CEP85: variants seen among roughly 807,000 people sequenced by gnomAD.
CEP85 encodes centrosomal protein 85.
CEP85 carries 58 observed loss-of-function variants against 93.7 expected under a neutral mutation model. The observed-to-expected ratio is 0.62, with a 90% confidence interval of 0.50 to 0.77. The LOEUF is 0.77. CEP85 is among the 30% of genes least tolerant of loss of function. The pLI is 0.00. For synonymous variants in CEP85, 314 were observed against 338.6 expected (o/e 0.93, Z 0.80); for missense variants, 868 against 922.0 (o/e 0.94, Z 0.76).
chr1:26,261,689 G>A (rs1222426437), intron 7 of CEP85, among the ~76,000 whole-genome samples: 1 of 149,044 alleles, frequency 6.7e-6, no homozygotes, highest in Non-Finnish European at 1.5e-5. Context: ...GAGCTCAGGA[G>A]TTTAAGACAA....
rs150592270 is a variant in CEP85 at position 26,240,126 on chromosome 1, A to G, written c.55+288A>G. ...GTTCCATTTGAAATCAGAAAAACACAGCATAAATTACTGTGTTCTATGTTG... is the reference window on the plus strand; with the variant it reads ...GTTCCATTTGAAATCAGAAAAACACGGCATAAATTACTGTGTTCTATGTTG... On this transcript the variant is annotated intron_variant, in intron 2 of 13. Transcript: ENST00000451429. 1.1e-4 allele frequency among the ~76,000 whole-genome samples: 17 copies of G among 152,318 alleles called. No individual in the cohort carries two copies. In the East Asian group the frequency reaches 2.9e-3, roughly 26 times the overall value.
chr1:26,264,658 G>A (rs1281642678), intron 7 of CEP85, among the ~76,000 whole-genome samples: 1 of 152,196 alleles, frequency 6.6e-6, no homozygotes, highest in African/African-American at 2.4e-5. Flanking sequence ...ATGCTCAAAT[G>A]TCAATCTCTG....
At chr1:26,256,921 T>TTGGTGTGTGTGTG (rs1346791691) in intron 4 of CEP85, among the ~76,000 whole-genome samples, 3 of 19,136 alleles carry the variant, frequency 1.6e-4, no homozygotes, top group Non-Finnish European at 4.3e-4. Flanking sequence ...TTGTTTTGTT[T>TTGGTGTGTGTGTG]TGTTTTGGTG....
chr1:26,275,787 C>T (rs2090045440), intron 12 of CEP85, among the ~76,000 whole-genome samples: 1 of 152,080 alleles, frequency 6.6e-6, no homozygotes, highest in African/African-American at 2.4e-5. Flanking sequence ...GTCACATGGC[C>T]CAGTGTGGGT....
chr1:26,275,367 G>A (rs1016595378), intron 12 of CEP85, among the ~76,000 whole-genome samples: 3 of 149,690 alleles, frequency 2.0e-5, no homozygotes, highest in Non-Finnish European at 3.0e-5. Context: ...TGCAACCTCC[G>A]CCTCCCAGGT....
chr1:26,244,620 A>C (rs1161503479), intron 3 of CEP85, among the ~76,000 whole-genome samples: 2 of 151,952 alleles, frequency 1.3e-5, no homozygotes, highest in Non-Finnish European at 2.9e-5. Context: ...TCCCATGCTG[A>C]GGTAATCCTC....
chr1:26,273,417 G>C lies in CEP85; in HGVS notation c.1794+1346G>C, dbSNP rs1014484526. Among the ~76,000 whole-genome samples, 8 of 152,282 alleles carry C rather than the reference G, an allele frequency of 5.3e-5. No homozygotes were observed. The South Asian group carries it at 6.2e-4, about 12-fold the overall frequency. On this transcript the variant is annotated intron_variant, in intron 11 of 13. Coordinates refer to ENST00000451429, the MANE Select transcript of CEP85 (RefSeq NM_001319944.2). ...ATCTGGTTCACCTCTTTCAAGTCCT[G>C]TAAGGAGGTAGTCAAGCCTGGCAAG... is the stretch of plus-strand genomic sequence containing the variant.
chr1:26,235,567 C>CTTTTTTTTTTTTTTTTTTTTTTT (rs1192252673), intron 1 of CEP85, among the ~76,000 whole-genome samples: 13 of 95,578 alleles, frequency 1.4e-4, no homozygotes, highest in African/African-American at 4.8e-4. Context: ...GATTGTAATT[C>CTTTTTTTTTTTTTTTTTTTTTTT]TTTTTTTTTT....
Position 26,257,686 on chromosome 1 carries a change from C to T in CEP85, c.993C>T (p.Asn331=). Reference sequence around the variant, plus strand: ...CAGCACAGTGGATCAGCATCTTGAACAGTAATGAACACCTTCTGAAGGAAA... The same window carrying T: ...CAGCACAGTGGATCAGCATCTTGAATAGTAATGAACACCTTCTGAAGGAAA... ...LEPAQWISIL[N]SNEHLLKEKE... Residue 331 remains asparagine (N), a synonymous_variant, in exon 5 of 14, where the codon AAC becomes AAT. Coordinates refer to ENST00000451429, the MANE Select transcript of CEP85 (RefSeq NM_001319944.2). The T allele has an allele frequency of 7.4e-6, 12 of 1,614,184 alleles. No homozygotes were observed. Among genetic ancestry groups the T allele is most frequent in the Non-Finnish European group, 1.0e-5 (12 of 1,180,018 alleles).
At chr1:26,264,980 CTTTT>C (rs766050519) in intron 7 of CEP85, among the ~76,000 whole-genome samples, 4 of 92,902 alleles carry the variant, frequency 4.3e-5, no homozygotes, top group African/African-American at 9.8e-5. Flanking sequence ...CCACACCCGG[CTTTT>C]TTTTTTTTTT....
intron 3 of CEP85, among the ~76,000 whole-genome samples, chr1:26,244,627 C>A (rs151067527): frequency 6.6e-6 from 1 of 152,084 alleles, no homozygotes; most frequent in East Asian, 1.9e-4. Flanking sequence ...CTGAGGTAAT[C>A]CTCCCACCTC....
chr1:26,258,388 G>T, intron 6 of CEP85, 128 bp downstream of exon 6: 1 of 678,234 alleles, frequency 1.5e-6, no homozygotes, highest in South Asian at 1.7e-5. Flanking sequence ...CCCTCAAAGA[G>T]GGCATACTAA....
At chr1:26,264,323 G>A (rs1289681849) in intron 7 of CEP85, among the ~76,000 whole-genome samples, 1 of 152,146 alleles carries the variant, frequency 6.6e-6, no homozygotes, top group South Asian at 2.1e-4. Context: ...ACCTGAGGTC[G>A]GGAGTTCAAG....
At position 26,272,642 on chromosome 1, in the gene CEP85, T is replaced by TG. The variant is rs1315889980; in HGVS notation, c.1794+571_1794+572insG. Among the ~76,000 whole-genome samples the TG allele has an allele frequency of 2.2e-3, 304 of 135,276 alleles. 16 individuals are homozygous for TG. Among genetic ancestry groups the TG allele is most frequent in the Non-Finnish European group, 2.7e-3 (170 of 62,918 alleles). 88.7% of individuals were successfully genotyped at this position (135,276 alleles called of 152,430 possible). A position where few individuals can be genotyped will look rare whatever the true frequency, so the allele number is the denominator to read the frequency against. On this transcript the variant is annotated intron_variant, in intron 11 of 13. Transcript: ENST00000451429. ...ATTTTTTTTTTTTTTTTTTTTTTTTTTTGGAGACAGAGTCTCGCTCTTGTC... is the reference window on the plus strand; with the variant it reads ...ATTTTTTTTTTTTTTTTTTTTTTTTTGTTGGAGACAGAGTCTCGCTCTTGTC...
chr1:26,272,617 ATTTTTT>A (rs397861910), intron 11 of CEP85, among the ~76,000 whole-genome samples: 5 of 89,690 alleles, frequency 5.6e-5, no homozygotes, highest in African/African-American at 2.5e-4. Flanking sequence ...CTATTACAGC[ATTTTTT>A]TTTTTTTTTT....
intron 1 of CEP85, among the ~76,000 whole-genome samples, chr1:26,238,202 C>CCTTTTTTT (rs2089358829): frequency 1.1e-5 from 1 of 88,294 alleles, no homozygotes; most frequent in Non-Finnish European, 2.1e-5. Flanking sequence ...GTCCCAAACT[C>CCTTTTTTT]TTTTTTTTTT....
At chr1:26,267,634 A>C (rs937872220) in intron 7 of CEP85, among the ~76,000 whole-genome samples, 1 of 152,228 alleles carries the variant, frequency 6.6e-6, no homozygotes, top group African/African-American at 2.4e-5. Context: ...GCATCCTGAG[A>C]GCAGAGCTTC....
chr1:26,272,131 A>G, intron 11 of CEP85, 60 bp downstream of exon 11: 1 of 1,535,368 alleles, frequency 6.5e-7, no homozygotes, highest in Non-Finnish European at 9.0e-7. Flanking sequence ...TCTAGAATTT[A>G]GCCAATATTT....
rs369648487 is a variant in CEP85, at chr1:26,275,283, G to GTT, written c.1902+227_1902+228dup. Among the ~76,000 whole-genome samples, 880 of 140,618 alleles carry GTT rather than the reference G, an allele frequency of 6.3e-3. 8 individuals carry two copies. Among genetic ancestry groups the GTT allele is most frequent in the African/African-American group, 0.021 (810 of 38,238 alleles). The allele number at this position is 140,618 out of a possible 152,430, so 92.3% of individuals were successfully genotyped here. A position where few individuals can be genotyped will look rare whatever the true frequency, so the allele number is the denominator to read the frequency against. ...ATGTCCATAATTATTACCTAGGAAG[G>GTT]TTTTTTTTTTTTTTTTAAGACAGAG... On this transcript the variant is annotated intron_variant, in intron 12 of 13. Transcript: ENST00000451429.
Sources: gnomAD v4.1 joint callset for allele counts (sites outside exome capture counted in the v4.1 genomes callset) on GRCh38, gnomAD v4.1.1 for gene constraint, MANE v1.5 for transcripts, NCBI Gene and HGNC (gene_info 2026-07-23, HGNC 2026-07-21) for gene names.